Variants in GCLC observed in about 807,000 individuals in gnomAD.
The protein encoded by GCLC is glutamate--cysteine ligase catalytic subunit.
In GCLC, 30 loss-of-function variants were observed where a neutral mutation model predicts 81.5. That is an observed-to-expected ratio of 0.37 (90% CI 0.28 to 0.50). The LOEUF (loss-of-function observed/expected upper bound fraction) is 0.50, where lower values mean the gene tolerates loss of function less well. Ranked by LOEUF, GCLC falls within the 20% of genes least tolerant of loss-of-function variation. The pLI, the probability that GCLC is intolerant of heterozygous loss-of-function variation, is 0.96. For synonymous variants in GCLC, 262 were observed against 273.3 expected (o/e 0.96, Z 0.41); for missense variants, 556 against 777.4 (o/e 0.72, Z 3.39).
At chr6:53,519,961 G>A (rs924188748) in intron 3 of GCLC, among the ~76,000 whole-genome samples, 2 of 152,116 alleles carry the variant, frequency 1.3e-5, no homozygotes, top group African/African-American at 4.8e-5. Context: ...CAGAGAAAAG[G>A]TATAAAAATA....
chr6:53,499,809 A>G (rs1291650966), intron 15 of GCLC, among the ~76,000 whole-genome samples: 1 of 152,186 alleles, frequency 6.6e-6, no homozygotes, highest in African/African-American at 2.4e-5. Context: ...TTCATCATCT[A>G]AGATGCCAGT....
chr6:53,505,881 T>G lies in GCLC; in HGVS notation c.1212A>C (p.Thr404=), dbSNP rs760963762. Residue 404 remains threonine, a synonymous_variant, in exon 11 of 16, where the codon ACA becomes ACC. Transcript: ENST00000650454. The stretch of plus-strand genomic sequence containing the variant: ...GCTTAAATCTCATTGTCTGCCAATT[T>G]GTGGACTGAATATTCTGTGATACAA... ...ESDHFENIQS[T]NWQTMRFKPP... 93 of 1,604,106 alleles carry G rather than the reference T, an allele frequency of 5.8e-5. No homozygotes were observed. Among genetic ancestry groups the G allele is most frequent in the Non-Finnish European group, 7.5e-5 (88 of 1,170,980 alleles).
At chr6:53,536,211 A>G (rs1763254504) in intron 1 of GCLC, among the ~76,000 whole-genome samples, 1 of 152,246 alleles carries the variant, frequency 6.6e-6, no homozygotes, top group Admixed American at 6.5e-5. Flanking sequence ...TCCTAGGTAT[A>G]TGAAACTAGA....
chr6:53,540,335 A>C (rs151205431), intron 1 of GCLC, among the ~76,000 whole-genome samples: 2,513 of 151,930 alleles, frequency 0.017, 48 homozygotes, highest in Non-Finnish European at 0.027. Flanking sequence ...AAAAGAAAAA[A>C]AAAAAGAAAA....
chr6:53,540,461 C>T (rs1450512072), intron 1 of GCLC, among the ~76,000 whole-genome samples: 1 of 152,014 alleles, frequency 6.6e-6, no homozygotes, highest in Non-Finnish European at 1.5e-5. Flanking sequence ...CTAAAGTAGT[C>T]AAACTCATAG....
chr6:53,498,688 C>A lies in GCLC; in HGVS notation c.*68G>T. On this transcript the variant is annotated 3_prime_UTR_variant, in exon 16 of 16. Transcript: ENST00000650454. ...TCATTTGGTCTTCATATTATACACA[C>A]GGGCTGGCTGAGAGGCATGGTACTG... The A allele has an allele frequency of 1.1e-6, 1 of 919,656 alleles. No individual in the cohort carries two copies. The highest frequency in any genetic ancestry group is 2.5e-5 in the East Asian group (1 of 40,148). The allele number at this position is 919,656 out of a possible 1,614,324, so 57.0% of individuals were successfully genotyped here. A position where few individuals can be genotyped will look rare whatever the true frequency, so the allele number is the denominator to read the frequency against.
intron 1 of GCLC, among the ~76,000 whole-genome samples, chr6:53,524,909 CAAAA>C (rs1763055259): frequency 6.6e-6 from 1 of 152,076 alleles, no homozygotes. Flanking sequence ...GGCAAAAGAA[CAAAA>C]AGTTAAAGCT....
At chr6:53,542,793 A>ATCATCTG (rs11283031) in intron 1 of GCLC, among the ~76,000 whole-genome samples, 1 of 151,478 alleles carries the variant, frequency 6.6e-6, no homozygotes, top group South Asian at 2.1e-4. Context: ...AGGCGGGTGA[A>ATCATCTG]AAGTCAGGAG....
chr6:53,522,015 A>G (rs1763008151), intron 2 of GCLC, among the ~76,000 whole-genome samples: 1 of 152,232 alleles, frequency 6.6e-6, no homozygotes, highest in Non-Finnish European at 1.5e-5. Flanking sequence ...AACAAAGCCC[A>G]TCTGCAACTT....
intron 1 of GCLC, chr6:53,523,991 T>G (rs530596599): frequency 9.8e-5 from 15 of 152,336 alleles, no homozygotes; most frequent in Middle Eastern, 3.4e-3. Context: ...AATCTGGAAC[T>G]GTTCGCAACA....
At chr6:53,514,773 C>A (rs535399815) in intron 4 of GCLC, among the ~76,000 whole-genome samples, 1 of 152,166 alleles carries the variant, frequency 6.6e-6, no homozygotes, top group South Asian at 2.1e-4. Flanking sequence ...CTTACCAAAT[C>A]AATTCAGGTG....
chr6:53,528,456 T>C (rs1229167949), intron 1 of GCLC, among the ~76,000 whole-genome samples: 1 of 152,176 alleles, frequency 6.6e-6, no homozygotes, highest in Non-Finnish European at 1.5e-5. Flanking sequence ...ATTTTAAACA[T>C]ATATATTTGA....
In GCLC at chr6:53,544,727, C is replaced by T. The variant is rs1433581414; in HGVS notation, c.-82G>A. On this transcript the variant is annotated 5_prime_UTR_variant, in exon 1 of 16. Transcript: ENST00000650454. Reference sequence around the variant, plus strand: ...GGCGCGAGACGGACACTCAGCCGCCCGCAGAAGGCGGCTGCCGCTCCACCC... The same window carrying T: ...GGCGCGAGACGGACACTCAGCCGCCTGCAGAAGGCGGCTGCCGCTCCACCC... 7.3e-7 allele frequency: 1 copy of T among 1,363,758 alleles called. No individual in the cohort carries two copies. Among genetic ancestry groups the T allele is most frequent in the African/African-American group, 1.5e-5 (1 of 66,702 alleles). 84.5% of individuals were successfully genotyped at this position (1,363,758 alleles called of 1,614,324 possible).
rs113392592 is a variant in GCLC, at chr6:53,514,534, TAA to T, written c.561-39_561-38del. On this transcript the variant is annotated intron_variant, in intron 4 of 15. Coordinates refer to ENST00000650454, the MANE Select transcript of GCLC (RefSeq NM_001498.4). Reference sequence around the variant, plus strand: ...AACCAAACGTCATAAATTGGTCACCTAAGAGTCATCGTGTAAAAGAAGAATTT... The same window carrying T: ...AACCAAACGTCATAAATTGGTCACCTGAGTCATCGTGTAAAAGAAGAATTT... 7.2e-4 allele frequency: 1,034 copies of T among 1,445,252 alleles called. 4 individuals are homozygous for T. In the African/African-American group the frequency reaches 0.013, roughly 18 times the overall value. 89.5% of individuals were successfully genotyped at this position (1,445,252 alleles called of 1,614,324 possible).
At position 53,506,713 on chromosome 6, in the gene GCLC, T is replaced by C. The variant is rs1220865165; in HGVS notation, c.1197+200A>G. The stretch of plus-strand genomic sequence containing the variant: ...AGTAAGAATCGTAAAATAAGAGTAC[T>C]TGAAACCGATTTTTTATTTGTCCAA... On this transcript the variant is annotated intron_variant, in intron 10 of 15. Transcript: ENST00000650454. The surrounding 1 kb of genome is among the most constrained non-coding windows in gnomAD (Gnocchi z 4.0). 3.5e-6 allele frequency: 2 copies of C among 567,894 alleles called. No individual in the cohort carries two copies. Among genetic ancestry groups the C allele is most frequent in the African/African-American group, 3.8e-5 (2 of 53,114 alleles). The allele number at this position is 567,894 out of a possible 1,614,324, so 35.2% of individuals were successfully genotyped here.
chr6:53,527,537 A>C (rs1763103389), intron 1 of GCLC, among the ~76,000 whole-genome samples: 2 of 152,078 alleles, frequency 1.3e-5, no homozygotes, highest in African/African-American at 4.8e-5. Flanking sequence ...CATTCAACAA[A>C]GCTCTTTGCT....
rs1554152569 is a variant in GCLC at position 53,517,079 on chromosome 6, A to ATTTTTC, written c.447-858_447-857insGAAAAA. Among the ~76,000 whole-genome samples, 225 of 104,418 alleles carry ATTTTTC rather than the reference A, an allele frequency of 2.2e-3. 3 individuals carry two copies. Among genetic ancestry groups the ATTTTTC allele is most frequent in the East Asian group, 3.8e-3 (12 of 3,184 alleles). The allele number at this position is 104,418 out of a possible 152,430, so 68.5% of individuals were successfully genotyped here. A position where few individuals can be genotyped will look rare whatever the true frequency, so the allele number is the denominator to read the frequency against. On this transcript the variant is annotated intron_variant, in intron 3 of 15. Coordinates refer to ENST00000650454, the MANE Select transcript of GCLC (RefSeq NM_001498.4). The stretch of plus-strand genomic sequence containing the variant: ...ACTAGCTCATATCTTTTAAAAAAAA[A>ATTTTTC]TTTTTTTTTTTTTTTTTTTTTTTCT...
At chr6:53,522,693 A>C in intron 1 of GCLC, 166 bp from the exon 2 acceptor site, 1 of 574,538 alleles carries the variant, frequency 1.7e-6, no homozygotes, top group Non-Finnish European at 3.1e-6. Flanking sequence ...TATGCATAAT[A>C]TGGAAACCTG....
chr6:53,519,785 G>GAT (rs1762955033), intron 3 of GCLC, among the ~76,000 whole-genome samples: 5 of 151,984 alleles, frequency 3.3e-5, no homozygotes, highest in Non-Finnish European at 4.4e-5. Context: ...ACAGAATGAA[G>GAT]GTATCACAGA....
Sources: allele counts gnomAD v4.1 joint callset (sites outside exome capture counted in the v4.1 genomes callset), GRCh38; gene constraint gnomAD v4.1.1; non-coding constraint Gnocchi (gnomAD v3.1); transcripts MANE v1.5; gene names NCBI Gene and HGNC (gene_info 2026-07-23, HGNC 2026-07-21).